Variants in DIAPH2 observed in about 807,000 individuals in gnomAD.
The protein encoded by DIAPH2 is diaphanous related formin 2, also known as protein diaphanous homolog 2.
DIAPH2 carries 35 observed loss-of-function variants against 92.7 expected under a neutral mutation model. That is an observed-to-expected ratio of 0.38 (90% CI 0.29 to 0.50). DIAPH2 has a LOEUF of 0.50. Among genes scored for constraint, DIAPH2 ranks in the 20% least tolerant of loss-of-function variants. The pLI is 0.94. For synonymous variants in DIAPH2, 301 were observed against 280.4 expected, an observed-to-expected ratio of 1.07 and a Z score of -0.73; for missense variants, 701 against 819.5, an observed-to-expected ratio of 0.86 and a Z score of 1.77.
At chrX:97,375,181 T>G (rs565171946) in intron 24 of DIAPH2, among the ~76,000 whole-genome samples, 2 of 111,630 alleles carry the variant, frequency 1.8e-5, no homozygotes, top group South Asian at 7.6e-4. Flanking sequence ...ATAGGCCAGG[T>G]GTGTTAGCTC....
intron 17 of DIAPH2, among the ~76,000 whole-genome samples, chrX:96,975,618 A>C: frequency 8.9e-6 from 1 of 112,217 alleles, no homozygotes. Flanking sequence ...TTGGGCTGCT[A>C]TCACAAAATA....
chrX:97,471,680 A>AAATCCGT (rs2070564075), intron 26 of DIAPH2, among the ~76,000 whole-genome samples: 1 of 90,684 alleles, frequency 1.1e-5, no homozygotes, highest in Non-Finnish European at 2.2e-5. Flanking sequence ...ACGAGAGTGA[A>AAATCCGT]AATCCGTCTC....
intron 22 of DIAPH2, among the ~76,000 whole-genome samples, chrX:97,221,354 C>T (rs2067923362): frequency 9.0e-6 from 1 of 111,520 alleles, no homozygotes; most frequent in African/African-American, 3.3e-5. Context: ...GCTGATGCCA[C>T]ACAATTTTTT....
intron 17 of DIAPH2, among the ~76,000 whole-genome samples, chrX:97,024,433 C>G (rs1311601821): frequency 8.9e-6 from 1 of 111,750 alleles, no homozygotes; most frequent in Non-Finnish European, 1.9e-5. Flanking sequence ...GGATTCAGAT[C>G]ATTCCCACAT....
intron 26 of DIAPH2, among the ~76,000 whole-genome samples, chrX:97,521,637 T>C (rs1278782553): frequency 1.8e-5 from 2 of 110,956 alleles, no homozygotes; most frequent in Non-Finnish European, 3.8e-5. Flanking sequence ...TCTCAGGAGA[T>C]CTGATGGTTT....
chrX:96,789,888 A>T (rs1324469872), intron 4 of DIAPH2, among the ~76,000 whole-genome samples: 2 of 110,272 alleles, frequency 1.8e-5, no homozygotes, highest in Non-Finnish European at 3.8e-5. Flanking sequence ...ATATAATATT[A>T]TGTTGGCTTT....
intron 19 of DIAPH2, among the ~76,000 whole-genome samples, chrX:97,086,154 G>C (rs757971529): frequency 9.0e-6 from 1 of 111,545 alleles, no homozygotes; most frequent in Non-Finnish European, 1.9e-5. Flanking sequence ...ACTAAGGTGT[G>C]ACCATTCCCT....
At chrX:96,975,842 G>C (rs981623241) in intron 17 of DIAPH2, among the ~76,000 whole-genome samples, 1 of 111,162 alleles carries the variant, frequency 9.0e-6, no homozygotes, top group Admixed American at 9.5e-5. Flanking sequence ...AATCATGAAG[G>C]CTCTGCCCTC....
At chrX:97,345,983 A>T (rs942773263) in intron 23 of DIAPH2, among the ~76,000 whole-genome samples, 1 of 111,880 alleles carries the variant, frequency 8.9e-6, no homozygotes, top group Non-Finnish European at 1.9e-5. Context: ...AATTTCTATA[A>T]GTATAAATTT....
At position 97,072,516 on chromosome X, in the gene DIAPH2, C is replaced by T. The variant is rs763804227; in HGVS notation, c.2051-425C>T. On this transcript the variant is annotated intron_variant, in intron 17 of 26. Transcript: ENST00000324765. The stretch of plus-strand genomic sequence containing the variant: ...GCAACCTGTTTAGCAGTTAAACTTA[C>T]CTTAGGTGCTTTAAAGCAATTTCAC... Among the ~76,000 whole-genome samples, 182 of 112,079 alleles carry T rather than the reference C, an allele frequency of 1.6e-3. 1 individual carries two copies. The highest frequency in any genetic ancestry group is 3.0e-3 in the South Asian group (8 of 2,697).
At chrX:97,131,243 A>G (rs941929452) in intron 21 of DIAPH2, among the ~76,000 whole-genome samples, 5 of 111,980 alleles carry the variant, frequency 4.5e-5, no homozygotes, top group African/African-American at 1.6e-4. Flanking sequence ...AAAATTTATA[A>G]TATTTATATG....
intron 22 of DIAPH2, among the ~76,000 whole-genome samples, chrX:97,237,182 C>A (rs2068055027): frequency 8.9e-6 from 1 of 111,983 alleles, no homozygotes. Context: ...ATAGCCCTTG[C>A]TTTTCCATGA....
Position 96,921,344 on chromosome X carries a change from A to G in DIAPH2, c.978+2727A>G, listed in dbSNP as rs142683633. Among the ~76,000 whole-genome samples, 31 of 111,126 alleles carry G rather than the reference A, an allele frequency of 2.8e-4. No homozygotes were observed. The East Asian group carries it at 8.5e-3, about 30-fold the overall frequency. ...GCATATCTTCATACACTCTCTCTTC[A>G]TTGACTTTCCTTCAGCTTAGTAGCA... On this transcript the variant is annotated intron_variant, in intron 9 of 26. Coordinates refer to ENST00000324765, the MANE Select transcript of DIAPH2 (RefSeq NM_006729.5).
intron 26 of DIAPH2, among the ~76,000 whole-genome samples, chrX:97,543,394 C>T (rs186264348): frequency 1.8e-5 from 2 of 112,360 alleles, no homozygotes; most frequent in East Asian, 5.5e-4. Context: ...TCCACCTCTA[C>T]ATGGAAGAAG....
chrX:97,261,577 T>C (rs2068288315), intron 23 of DIAPH2, among the ~76,000 whole-genome samples: 3 of 111,072 alleles, frequency 2.7e-5, no homozygotes, highest in Non-Finnish European at 3.8e-5. Context: ...TTATTTACTT[T>C]ATTTTTATTT....
At chrX:96,962,312 CATATATATATACACATATATATATACAT>C (rs2065857357) in intron 16 of DIAPH2, among the ~76,000 whole-genome samples, 9 of 59,528 alleles carry the variant, frequency 1.5e-4, no homozygotes, top group African/African-American at 4.7e-4. Context: ...TATATATATA[CATATATATATACACATATATATATACAT>C]ATATATATAT....
At position 96,942,210 on chromosome X, in the gene DIAPH2, G is replaced by A. The variant is rs2065709297; in HGVS notation, c.1444+74G>A. 2.0e-5 allele frequency: 12 copies of A among 604,271 alleles called. No individual in the cohort carries two copies. In the South Asian group the frequency reaches 2.7e-4, roughly 14 times the overall value. 49.8% of individuals were successfully genotyped at this position (604,271 alleles called of 1,213,427 possible). ...GTATTATAAGCACTTTTTAAGTGAA[G>A]AAGTTCAGTAAGAAGCTTCAGTTCT... On this transcript the variant is annotated intron_variant, in intron 13 of 26. Coordinates refer to ENST00000324765, the MANE Select transcript of DIAPH2 (RefSeq NM_006729.5).
intron 24 of DIAPH2, among the ~76,000 whole-genome samples, chrX:97,351,895 A>G (rs1470623967): frequency 9.0e-6 from 1 of 111,186 alleles, no homozygotes; most frequent in Non-Finnish European, 1.9e-5. Context: ...TTTATACCTG[A>G]CCTTTAAGTC....
At chrX:97,059,844 A>C (rs2066585128) in intron 17 of DIAPH2, among the ~76,000 whole-genome samples, 1 of 111,028 alleles carries the variant, frequency 9.0e-6, no homozygotes, top group Admixed American at 9.6e-5. Flanking sequence ...AGAGGAAGAA[A>C]ATTTGTATAA....
Sources: gnomAD v4.1 joint callset for allele counts (sites outside exome capture counted in the v4.1 genomes callset) on GRCh38, gnomAD v4.1.1 for gene constraint, MANE v1.5 for transcripts, NCBI Gene and HGNC (gene_info 2026-07-23, HGNC 2026-07-21) for gene names.